Variants in CTNNA3 observed in about 807,000 individuals in gnomAD.
The protein encoded by CTNNA3 is catenin alpha 3, also known as catenin alpha-3.
CTNNA3 carries 76 observed loss-of-function variants against 95.7 expected under a neutral mutation model. The observed-to-expected ratio is 0.79, with a 90% CI of 0.66 to 0.96. The LOEUF is 0.96. Among genes scored for constraint, CTNNA3 ranks in the 40% least tolerant of loss-of-function variants. The probability of loss-of-function intolerance (pLI) is 0.00; values close to 1 mark genes in which losing one functional copy is unlikely to be tolerated. For synonymous variants in CTNNA3, 431 were observed against 374.4 expected, an observed-to-expected ratio of 1.15 and a Z score of -1.74; for missense variants, 1,191 against 1,089.8, an observed-to-expected ratio of 1.09 and a Z score of -1.31.
chr10:66,787,248 C>G (rs1269306469), intron 7 of CTNNA3, among the ~76,000 whole-genome samples: 1 of 151,258 alleles, frequency 6.6e-6, no homozygotes, highest in African/African-American at 2.4e-5. Context: ...GTGTTGATGT[C>G]TCGATCAGAT....
intron 6 of CTNNA3, among the ~76,000 whole-genome samples, chr10:67,181,195 G>A (rs115480643): frequency 0.023 from 3,546 of 152,126 alleles, 116 homozygotes; most frequent in African/African-American, 0.074. Context: ...AGTAAATTCT[G>A]AATTTTAATT....
At chr10:67,009,139 C>T (rs1279637089) in intron 7 of CTNNA3, among the ~76,000 whole-genome samples, 2 of 151,982 alleles carry the variant, frequency 1.3e-5, no homozygotes, top group African/African-American at 2.4e-5. Flanking sequence ...ATTTATTAAC[C>T]TTACCGTGAT....
intron 12 of CTNNA3, among the ~76,000 whole-genome samples, chr10:66,286,405 T>G (rs1015102268): frequency 3.3e-5 from 5 of 152,092 alleles, no homozygotes; most frequent in Admixed American, 6.6e-5. Context: ...ATCTTGAGTT[T>G]AGACTGTTAA....
At chr10:67,238,263 G>A (rs1865580994) in intron 5 of CTNNA3, among the ~76,000 whole-genome samples, 1 of 152,098 alleles carries the variant, frequency 6.6e-6, no homozygotes, top group African/African-American at 2.4e-5. Context: ...GGGAGCTAAA[G>A]CCATGTGTGT....
At chr10:67,726,601 C>CATATTATATAATATATAATATATATT (rs1564841329) in intron 1 of CTNNA3, among the ~76,000 whole-genome samples, 5 of 22,422 alleles carry the variant, frequency 2.2e-4, no homozygotes, top group Non-Finnish European at 3.1e-4. Flanking sequence ...TATTATATTA[C>CATATTATATAATATATAATATATATT]ATATTATATA....
At chr10:67,160,478 C>T (rs184717319) in intron 7 of CTNNA3, among the ~76,000 whole-genome samples, 54 of 149,276 alleles carry the variant, frequency 3.6e-4, no homozygotes, top group Admixed American at 3.5e-3. Flanking sequence ...TGCTCTGTCC[C>T]CCGGGCTGGA....
At chr10:66,593,179 C>T (rs1050344995) in intron 10 of CTNNA3, among the ~76,000 whole-genome samples, 4 of 152,078 alleles carry the variant, frequency 2.6e-5, no homozygotes, top group African/African-American at 9.7e-5. Flanking sequence ...TAGGATCTTG[C>T]TTAGACATAC....
chr10:67,135,766 T>C (rs1339825513), intron 7 of CTNNA3, among the ~76,000 whole-genome samples: 1 of 152,142 alleles, frequency 6.6e-6, no homozygotes, highest in Non-Finnish European at 1.5e-5. Context: ...ACCAAAAGCA[T>C]TGATTTAAAT....
intron 10 of CTNNA3, among the ~76,000 whole-genome samples, chr10:66,537,236 A>G (rs1473447191): frequency 6.6e-6 from 1 of 152,228 alleles, no homozygotes; most frequent in Non-Finnish European, 1.5e-5. Flanking sequence ...AAAACTGATT[A>G]TTAACTTAAA....
intron 7 of CTNNA3, among the ~76,000 whole-genome samples, chr10:67,008,412 G>A (rs1404100575): frequency 6.6e-6 from 1 of 151,978 alleles, no homozygotes; most frequent in East Asian, 1.9e-4. Context: ...TACCTGAATT[G>A]TTTGTCTTGA....
rs1378259984 is a variant in CTNNA3 at position 66,219,193 on chromosome 10, C to T, written c.1884+61277G>A. 2.6e-5 allele frequency among the ~76,000 whole-genome samples: 4 copies of T among 152,008 alleles called. No individual in the cohort carries two copies. The East Asian group carries it at 7.8e-4, about 30-fold the overall frequency. ...TGAAATTCTAGATTATGAGCTGATG[C>T]TGTAATAGGATGAGGCTTTGTGGGG... On this transcript the variant is annotated intron_variant, in intron 13 of 17. Transcript: ENST00000433211.
intron 16 of CTNNA3, among the ~76,000 whole-genome samples, chr10:65,984,907 T>C (rs1316797171): frequency 6.6e-6 from 1 of 151,252 alleles, no homozygotes; most frequent in African/African-American, 2.4e-5. Context: ...TGGGCATATA[T>C]AGGCTTCAGT....
At chr10:67,571,469 G>A (rs965708859) in intron 3 of CTNNA3, among the ~76,000 whole-genome samples, 30 of 152,230 alleles carry the variant, frequency 2.0e-4, no homozygotes, top group African/African-American at 6.7e-4. Context: ...GAACTCTTCT[G>A]TAAGAAAAAC....
chr10:67,422,409 C>G (rs1845776572), intron 5 of CTNNA3, among the ~76,000 whole-genome samples: 1 of 152,112 alleles, frequency 6.6e-6, no homozygotes, highest in Non-Finnish European at 1.5e-5. Context: ...ACATTGTAAA[C>G]AATTAATGAA....
intron 11 of CTNNA3, among the ~76,000 whole-genome samples, chr10:66,387,002 A>T (rs531807236): frequency 4.8e-4 from 73 of 152,284 alleles, no homozygotes; most frequent in African/African-American, 1.5e-3. Flanking sequence ...CCTAGAAGAA[A>T]ACCTAGGCAA....
At chr10:66,650,774 C>T (rs565089291) in intron 9 of CTNNA3, among the ~76,000 whole-genome samples, 6 of 152,170 alleles carry the variant, frequency 3.9e-5, no homozygotes, top group African/African-American at 1.2e-4. Context: ...TTGTTCATCC[C>T]TCCTGGTGGG....
chr10:66,588,909 AG>A (rs1843452614), intron 10 of CTNNA3, among the ~76,000 whole-genome samples: 1 of 150,540 alleles, frequency 6.6e-6, no homozygotes. Context: ...TGGAGATAAA[AG>A]AAGGTCTCTG....
intron 7 of CTNNA3, among the ~76,000 whole-genome samples, chr10:66,849,838 C>T (rs1843420079): frequency 6.6e-6 from 1 of 152,168 alleles, no homozygotes; most frequent in Non-Finnish European, 1.5e-5. Context: ...TTTGTTACTA[C>T]AGCCCTAGGA....
At chr10:66,241,224 C>CAA (rs1279064888) in intron 13 of CTNNA3, among the ~76,000 whole-genome samples, 30 of 152,040 alleles carry the variant, frequency 2.0e-4, no homozygotes, top group Non-Finnish European at 3.4e-4. Flanking sequence ...TGAGTAAGGT[C>CAA]AATGAAATGT....
Sources: gnomAD v4.1 joint callset for allele counts (sites outside exome capture counted in the v4.1 genomes callset) on GRCh38, gnomAD v4.1.1 for gene constraint, MANE v1.5 for transcripts, NCBI Gene and HGNC (gene_info 2026-07-23, HGNC 2026-07-21) for gene names.